The following HDAC9 variants were observed in gnomAD, a reference collection of about 807,000 sequenced individuals.
The protein encoded by HDAC9 is histone deacetylase 9.
A neutral mutation model predicts 139.4 loss-of-function variants in HDAC9; 41 were observed. That is an observed-to-expected ratio of 0.29 (90% CI 0.23 to 0.38). The LOEUF (loss-of-function observed/expected upper bound fraction) is 0.38. Among genes scored for constraint, HDAC9 ranks in the 10% least tolerant of loss-of-function variants. The pLI is 1.00. For missense variants in HDAC9, 1,147 were observed against 1,297.0 expected, an observed-to-expected ratio of 0.88 and a Z score of 1.78; for synonymous variants, 517 against 476.2, an observed-to-expected ratio of 1.09 and a Z score of -1.12.
intron 2 of HDAC9, among the ~76,000 whole-genome samples, chr7:18,515,597 A>G (rs1434910755): frequency 6.6e-6 from 1 of 152,206 alleles, no homozygotes; most frequent in East Asian, 1.9e-4. Context: ...CTATTTTGTC[A>G]GTGAGATCAA....
chr7:18,617,233 A>G (rs1279973528), intron 6 of HDAC9, among the ~76,000 whole-genome samples: 2 of 152,046 alleles, frequency 1.3e-5, no homozygotes, highest in Non-Finnish European at 2.9e-5. Context: ...GTTTAAGTCT[A>G]GTCTTCCTAC....
chr7:18,901,177 C>A (rs1585263710), intron 22 of HDAC9, among the ~76,000 whole-genome samples: 1 of 149,830 alleles, frequency 6.7e-6, no homozygotes, highest in African/African-American at 2.4e-5. Flanking sequence ...ATCAGACTCT[C>A]TTTCTCTCTC....
Position 18,720,717 on chromosome 7 carries a change from T to A in HDAC9, c.1732-6863T>A, listed in dbSNP as rs117780056. On this transcript the variant is annotated intron_variant, in intron 12 of 25. Coordinates refer to ENST00000686413, the MANE Select transcript of HDAC9 (RefSeq NM_178425.4). ...CTTTTTTTGAGACAGAGTTTCGCTC[T>A]GTCACTCAGGCTGGAGTCCAGTGGC... Among the ~76,000 whole-genome samples, 444 of 151,914 alleles carry A rather than the reference T, an allele frequency of 2.9e-3. 10 individuals are homozygous for A. Among genetic ancestry groups the A allele is most frequent in the Non-Finnish European group, 4.0e-3 (272 of 67,928 alleles).
intron 16 of HDAC9, among the ~76,000 whole-genome samples, chr7:18,770,299 C>T (rs554332376): frequency 4.6e-5 from 7 of 152,082 alleles, no homozygotes; most frequent in South Asian, 4.1e-4. Context: ...GATTGCACTA[C>T]AAGAAAATGC....
chr7:18,533,442 A>G (rs1809733826), intron 2 of HDAC9, among the ~76,000 whole-genome samples: 1 of 152,158 alleles, frequency 6.6e-6, no homozygotes, highest in Admixed American at 6.5e-5. Flanking sequence ...TTGAATTTTT[A>G]CATACCTGAA....
chr7:18,531,014 CT>C (rs1808757926), intron 2 of HDAC9, among the ~76,000 whole-genome samples: 1 of 151,938 alleles, frequency 6.6e-6, no homozygotes, highest in South Asian at 2.1e-4. Context: ...TACTCGTATG[CT>C]TCTAGTGCAA....
chr7:18,729,472 C>T (rs1785845173), intron 13 of HDAC9, among the ~76,000 whole-genome samples: 1 of 152,038 alleles, frequency 6.6e-6, no homozygotes, highest in Non-Finnish European at 1.5e-5. Context: ...TTCTAGTTTT[C>T]ATATGTTCCT....
chr7:18,149,755 T>C (rs377273602), intron 1 of HDAC9, among the ~76,000 whole-genome samples: 15 of 152,010 alleles, frequency 9.9e-5, no homozygotes, highest in Non-Finnish European at 1.6e-4. Context: ...AGGGTTTCAC[T>C]GTGTTAGCCA....
At chr7:18,897,990 AT>A (rs1041733547) in intron 22 of HDAC9, among the ~76,000 whole-genome samples, 8 of 151,770 alleles carry the variant, frequency 5.3e-5, no homozygotes, top group Non-Finnish European at 8.8e-5. Context: ...GAACAAATAC[AT>A]TTTTGTATAT....
intron 8 of HDAC9, among the ~76,000 whole-genome samples, chr7:18,640,728 C>T (rs1785322528): frequency 6.6e-6 from 1 of 152,052 alleles, no homozygotes; most frequent in Non-Finnish European, 1.5e-5. Context: ...GCTTTTATCA[C>T]TAAGCCTGTG....
intron 2 of HDAC9, among the ~76,000 whole-genome samples, chr7:18,221,251 G>T (rs1195227631): frequency 6.6e-6 from 1 of 151,846 alleles, no homozygotes; most frequent in Non-Finnish European, 1.5e-5. Flanking sequence ...GATTACAGGG[G>T]CCCGCCGCCA....
chr7:18,727,014 CCATA>C (rs1159102627), intron 12 of HDAC9, among the ~76,000 whole-genome samples: 3 of 152,034 alleles, frequency 2.0e-5, no homozygotes, highest in African/African-American at 7.3e-5. Flanking sequence ...TGAAATTATA[CCATA>C]CAAACTATGA....
chr7:18,249,742 G>C (rs1794802651), intron 2 of HDAC9, among the ~76,000 whole-genome samples: 1 of 151,788 alleles, frequency 6.6e-6, no homozygotes, highest in Admixed American at 6.6e-5. Context: ...AGGTAATTTG[G>C]TACCTAATGT....
At chr7:18,257,164 C>G (rs1176897909) in intron 2 of HDAC9, among the ~76,000 whole-genome samples, 1 of 144,844 alleles carries the variant, frequency 6.9e-6, no homozygotes, top group Non-Finnish European at 1.5e-5. Context: ...ATAAATGTAA[C>G]AAAACAAAAA....
chr7:18,119,194 AG>A (rs934993075), intron 1 of HDAC9, among the ~76,000 whole-genome samples: 8 of 152,334 alleles, frequency 5.3e-5, no homozygotes, highest in African/African-American at 1.9e-4. Context: ...ATAACAGAAA[AG>A]ATGCTATATC....
intron 6 of HDAC9, among the ~76,000 whole-genome samples, chr7:18,601,945 G>C (rs1423109111): frequency 1.3e-5 from 2 of 152,092 alleles, no homozygotes; most frequent in African/African-American, 2.4e-5. Context: ...TATAATGTCT[G>C]TATCTGATTT....
intron 22 of HDAC9, among the ~76,000 whole-genome samples, chr7:18,889,187 A>G (rs1269028286): frequency 6.6e-6 from 1 of 152,140 alleles, no homozygotes; most frequent in Non-Finnish European, 1.5e-5. Context: ...CCAGGCTCAC[A>G]TCAGGGTCTT....
At chr7:18,547,862 T>A (rs149395032) in intron 2 of HDAC9, among the ~76,000 whole-genome samples, 87 of 91,816 alleles carry the variant, frequency 9.5e-4, no homozygotes, top group African/African-American at 3.3e-3. Context: ...CTTCCTACCC[T>A]CCCTCCCTCC....
At chr7:18,549,248 TAAAC>T (rs1266110025) in intron 2 of HDAC9, among the ~76,000 whole-genome samples, 23 of 151,998 alleles carry the variant, frequency 1.5e-4, no homozygotes, top group Admixed American at 1.1e-3. Flanking sequence ...AATAAATAAA[TAAAC>T]AAACAAACAA....
Sources: allele counts gnomAD v4.1 joint callset (sites outside exome capture counted in the v4.1 genomes callset), GRCh38; gene constraint gnomAD v4.1.1; transcripts MANE v1.5; gene names NCBI Gene and HGNC (gene_info 2026-07-23, HGNC 2026-07-21).